Variants in ABLIM2 observed in about 807,000 individuals in gnomAD.
ABLIM2 encodes actin binding LIM protein family member 2.
In ABLIM2, 53 loss-of-function variants were observed where a neutral mutation model predicts 97.7. The observed-to-expected ratio is 0.54, with a 90% confidence interval of 0.44 to 0.68. ABLIM2 has a LOEUF of 0.68. Ranked by LOEUF, ABLIM2 falls within the 30% of genes least tolerant of loss-of-function variation. The pLI, the probability that ABLIM2 is intolerant of heterozygous loss-of-function variation, is 0.00. For synonymous variants in ABLIM2, 361 were observed against 345.8 expected, an observed-to-expected ratio of 1.04 and a Z score of -0.49; for missense variants, 835 against 867.2, an observed-to-expected ratio of 0.96 and a Z score of 0.47.
chr4:7,995,391 CA>C (rs1752550219), intron 16 of ABLIM2, among the ~76,000 whole-genome samples: 1 of 152,344 alleles, frequency 6.6e-6, no homozygotes, highest in South Asian at 2.1e-4. Context: ...AGGTGGCTCA[CA>C]AGGCCACATG....
chr4:8,073,871 T>G (rs559888752), intron 6 of ABLIM2, among the ~76,000 whole-genome samples: 13 of 151,952 alleles, frequency 8.6e-5, no homozygotes, highest in African/African-American at 2.9e-4. Context: ...GCAGATCACC[T>G]GAGGTCGGGA....
intron 3 of ABLIM2, among the ~76,000 whole-genome samples, chr4:8,093,425 A>G (rs956116690): frequency 6.6e-6 from 1 of 152,174 alleles, no homozygotes; most frequent in Non-Finnish European, 1.5e-5. Flanking sequence ...TTGCGTGTCT[A>G]AAAAAGTCTT....
chr4:8,129,711 G>A lies in ABLIM2; in HGVS notation c.11-23074C>T, dbSNP rs577939074. ...CCTTTCAGCAGCAGCCAGTGGGGCT[G>A]GGAGCAGAGACAGGTATGCTCCCTC... is the stretch of plus-strand genomic sequence containing the variant. On this transcript the variant is annotated intron_variant, in intron 1 of 20. Coordinates refer to ENST00000447017, the MANE Select transcript of ABLIM2 (RefSeq NM_001130083.2). Among the ~76,000 whole-genome samples the A allele has an allele frequency of 2.0e-5, 3 of 151,368 alleles. No homozygotes were observed. The East Asian group carries it at 5.8e-4, about 29-fold the overall frequency.
At chr4:7,979,305 G>C (rs1486677932) in intron 20 of ABLIM2, among the ~76,000 whole-genome samples, 1 of 152,228 alleles carries the variant, frequency 6.6e-6, no homozygotes, top group South Asian at 2.1e-4. Context: ...AGGACTGACC[G>C]CACTGACTGG....
chr4:8,143,270 C>A (rs1027722103), intron 1 of ABLIM2, among the ~76,000 whole-genome samples: 3 of 152,106 alleles, frequency 2.0e-5, no homozygotes, highest in Non-Finnish European at 4.4e-5. Context: ...GGTCTCCACC[C>A]CTCTAAGGAA....
intron 10 of ABLIM2, among the ~76,000 whole-genome samples, chr4:8,030,029 G>A (rs1418268307): frequency 2.0e-5 from 3 of 152,078 alleles, no homozygotes; most frequent in Non-Finnish European, 4.4e-5. Context: ...ACCCACTGGC[G>A]GGGATCCCCC....
intron 1 of ABLIM2, among the ~76,000 whole-genome samples, chr4:8,126,624 T>A (rs1403877759): frequency 6.6e-6 from 1 of 152,076 alleles, no homozygotes; most frequent in East Asian, 1.9e-4. Flanking sequence ...ATCAGGGAAC[T>A]GCGGCATTCA....
chr4:8,063,173 C>T (rs1804552026), intron 6 of ABLIM2, among the ~76,000 whole-genome samples: 1 of 152,224 alleles, frequency 6.6e-6, no homozygotes, highest in Non-Finnish European at 1.5e-5. Context: ...TCAAGTGATT[C>T]TCCTGCCTCA....
intron 3 of ABLIM2, among the ~76,000 whole-genome samples, chr4:8,092,008 TA>T (rs1471299674): frequency 1.4e-5 from 2 of 140,362 alleles, no homozygotes; most frequent in Non-Finnish European, 3.0e-5. Context: ...AATATATATA[TA>T]TTTTTTGAGA....
intron 1 of ABLIM2, among the ~76,000 whole-genome samples, chr4:8,131,742 C>A (rs1351877850): frequency 8.4e-5 from 8 of 94,910 alleles, no homozygotes; most frequent in African/African-American, 4.0e-4. Flanking sequence ...GCATCCCCAG[C>A]ACAGCAGCCC....
rs528021450 is a variant in ABLIM2 at position 7,966,677 on chromosome 4, C to T, written c.*313G>A. 508 of 325,372 alleles carry T rather than the reference C, an allele frequency of 1.6e-3. 1 individual carries two copies. Among genetic ancestry groups the T allele is most frequent in the African/African-American group, 1.0e-2 (482 of 48,336 alleles). The allele number at this position is 325,372 out of a possible 1,614,324, so 20.2% of individuals were successfully genotyped here. A position where few individuals can be genotyped will look rare whatever the true frequency, so the allele number is the denominator to read the frequency against. ...CACCGGGGCCAGGGCACCTCGAGAA[C>T]GCTGGGAAGGTGGGCTGGGCTGCAG... On this transcript the variant is annotated 3_prime_UTR_variant, in exon 21 of 21. Transcript: ENST00000447017.
At chr4:8,098,966 G>A (rs1311047487) in intron 2 of ABLIM2, among the ~76,000 whole-genome samples, 1 of 152,212 alleles carries the variant, frequency 6.6e-6, no homozygotes, top group Non-Finnish European at 1.5e-5. Context: ...GGAGGGATGA[G>A]GGCATGGTAT....
intron 18 of ABLIM2, among the ~76,000 whole-genome samples, chr4:7,984,524 C>T (rs760067788): frequency 1.1e-4 from 16 of 152,250 alleles, no homozygotes; most frequent in Admixed American, 5.2e-4. Context: ...AGCGCCGTCC[C>T]GCTCAGACCC....
intron 20 of ABLIM2, among the ~76,000 whole-genome samples, chr4:7,977,868 G>C (rs548796411): frequency 6.6e-6 from 1 of 151,914 alleles, no homozygotes; most frequent in East Asian, 1.9e-4. Flanking sequence ...AGAAATATCC[G>C]TGTCAAATTT....
Position 8,061,168 on chromosome 4 carries a change from G to T in ABLIM2, c.676-114C>A. 1.1e-6 allele frequency: 1 copy of T among 881,602 alleles called. No homozygotes were observed. Among genetic ancestry groups the T allele is most frequent in the Non-Finnish European group, 1.8e-6 (1 of 566,106 alleles). 54.6% of individuals were successfully genotyped at this position (881,602 alleles called of 1,614,324 possible). A position where few individuals can be genotyped will look rare whatever the true frequency, so the allele number is the denominator to read the frequency against. On this transcript the variant is annotated intron_variant, in intron 6 of 20. Transcript: ENST00000447017. This position sits in a 1 kb window ranked among gnomAD's most constrained non-coding sequence, Gnocchi z 4.5. The stretch of plus-strand genomic sequence containing the variant: ...GAGCACAGGTACTCAGGGGATACTG[G>T]AAGGGCCAGCCCCCACCATCGGGAC...
chr4:8,133,634 C>T (rs968287360), intron 1 of ABLIM2, among the ~76,000 whole-genome samples: 1 of 152,210 alleles, frequency 6.6e-6, no homozygotes, highest in Non-Finnish European at 1.5e-5. Context: ...CCCCGGGTCC[C>T]GCTCTCCTCG....
rs1318112012 is a variant in ABLIM2, at chr4:8,125,651, C to T, written c.11-19014G>A. 6.6e-6 allele frequency among the ~76,000 whole-genome samples: 1 copy of T among 152,212 alleles called. No homozygotes were observed. Among genetic ancestry groups the T allele is most frequent in the Non-Finnish European group, 1.5e-5 (1 of 68,040 alleles). ...TGGCTCTGCCATCAGTGTGACGGTC[C>T]GTCCAGCACAGTTGTCCACAGTTGG... On this transcript the variant is annotated intron_variant, in intron 1 of 20. Transcript: ENST00000447017. The surrounding 1 kb of genome is among the most constrained non-coding windows in gnomAD (Gnocchi z 6.2).
chr4:8,047,498 C>T (rs1793339611), intron 8 of ABLIM2, among the ~76,000 whole-genome samples: 2 of 152,176 alleles, frequency 1.3e-5, no homozygotes, highest in African/African-American at 4.8e-5. Context: ...GTCTGCCTGC[C>T]TCCTGGGACC....
At chr4:8,045,311 G>C in intron 8 of ABLIM2, 70 bp from the exon 9 acceptor site, 2 of 1,376,412 alleles carry the variant, frequency 1.5e-6, no homozygotes, top group East Asian at 4.6e-5. Context: ...CGACTGTCAG[G>C]AGTTCCACTC....
Sources: gnomAD v4.1 joint callset for allele counts (sites outside exome capture counted in the v4.1 genomes callset) on GRCh38, gnomAD v4.1.1 for gene constraint, Gnocchi (gnomAD v3.1) non-coding constraint, MANE v1.5 for transcripts, NCBI Gene and HGNC (gene_info 2026-07-23, HGNC 2026-07-21) for gene names.